ZNF385D: variants seen among roughly 807,000 people sequenced by gnomAD.
The protein encoded by ZNF385D is zinc finger protein 659.
ZNF385D carries 15 observed loss-of-function variants against 35.8 expected under a neutral mutation model. The observed-to-expected ratio is 0.42, with a 90% confidence interval of 0.28 to 0.64. ZNF385D has a LOEUF of 0.64. Ranked by LOEUF, ZNF385D falls within the 30% of genes least tolerant of loss-of-function variation. The pLI is 0.23. For missense variants in ZNF385D, 474 were observed against 494.6 expected (o/e 0.96, Z 0.39); for synonymous variants, 212 against 186.8 (o/e 1.13, Z -1.10).
rs75642289 is a variant in ZNF385D, at chr3:22,128,968, A to T, written c.325+39849T>A. ...TTGTCTATACCTGTCCTACTTGAGA[A>T]GGTTTTCCATGTATTGAAAGGGAAT... On this transcript the variant is annotated intron_variant, in intron 3 of 5. Transcript: ENST00000494108. 5.5e-3 allele frequency among the ~76,000 whole-genome samples: 837 copies of T among 152,250 alleles called. 5 individuals carry two copies. Among genetic ancestry groups the T allele is most frequent in the African/African-American group, 0.018 (734 of 41,568 alleles).
intron 3 of ZNF385D, among the ~76,000 whole-genome samples, chr3:21,834,431 C>T (rs1695196624): frequency 6.6e-6 from 1 of 152,112 alleles, no homozygotes; most frequent in Non-Finnish European, 1.5e-5. Flanking sequence ...TTAGGTGTAT[C>T]CTCTTTCTTT....
intron 3 of ZNF385D, among the ~76,000 whole-genome samples, chr3:21,561,008 A>C (rs1331958505): frequency 6.6e-6 from 1 of 152,102 alleles, no homozygotes; most frequent in Non-Finnish European, 1.5e-5. Context: ...ACCAAGCTGG[A>C]GCATCCCAGG....
intron 2 of ZNF385D, among the ~76,000 whole-genome samples, chr3:22,360,863 G>C (rs542616547): frequency 1.3e-5 from 2 of 151,958 alleles, no homozygotes; most frequent in Admixed American, 6.6e-5. Context: ...TAATCGGGGC[G>C]ATCACTCAGT....
At chr3:22,309,070 A>G (rs1327138241) in intron 2 of ZNF385D, among the ~76,000 whole-genome samples, 2 of 152,098 alleles carry the variant, frequency 1.3e-5, no homozygotes, top group African/African-American at 4.8e-5. Context: ...AAGCCAGAAA[A>G]CCACACTGTG....
chr3:22,342,834 A>C (rs577251800), intron 2 of ZNF385D, among the ~76,000 whole-genome samples: 1 of 152,332 alleles, frequency 6.6e-6, no homozygotes, highest in South Asian at 2.1e-4. Flanking sequence ...GAACTTCTCC[A>C]AGAGACCTCA....
At chr3:21,761,245 C>A (rs572351884) in intron 3 of ZNF385D, among the ~76,000 whole-genome samples, 2 of 152,340 alleles carry the variant, frequency 1.3e-5, no homozygotes, top group Admixed American at 1.3e-4. Context: ...ATGAGAGACT[C>A]CTAGTCAGCA....
At chr3:22,175,964 T>C (rs1694806053) in intron 2 of ZNF385D, among the ~76,000 whole-genome samples, 1 of 150,482 alleles carries the variant, frequency 6.6e-6, no homozygotes, top group Non-Finnish European at 1.5e-5. Context: ...TTGAGAAAAT[T>C]ATAGTGGGTC....
rs74629890 is a variant in ZNF385D at position 21,937,892 on chromosome 3, T to A, written c.325+230925A>T. Among the ~76,000 whole-genome samples the A allele has an allele frequency of 9.9e-5, 15 of 152,282 alleles. No individual in the cohort carries two copies. In the East Asian group the frequency reaches 2.9e-3, roughly 29 times the overall value. On this transcript the variant is annotated intron_variant, in intron 3 of 5. Transcript: ENST00000494108. ...TAACATAAGCGTATTTTCCAATCAT[T>A]AATGTCTTAAGCAAAAAGACCAAAA...
intron 3 of ZNF385D, among the ~76,000 whole-genome samples, chr3:21,972,775 T>C (rs1288530017): frequency 1.3e-5 from 2 of 151,866 alleles, no homozygotes; most frequent in Non-Finnish European, 2.9e-5. Flanking sequence ...ATTCAAAGGA[T>C]GACTAGAGGC....
intron 2 of ZNF385D, among the ~76,000 whole-genome samples, chr3:22,348,613 C>T (rs746678850): frequency 6.9e-6 from 1 of 145,842 alleles, no homozygotes; most frequent in Non-Finnish European, 1.5e-5. Flanking sequence ...TGCGGTGAGC[C>T]GAGATCACGC....
intron 3 of ZNF385D, among the ~76,000 whole-genome samples, chr3:22,065,746 C>T (rs887490790): frequency 7.2e-5 from 11 of 152,072 alleles, no homozygotes; most frequent in African/African-American, 2.7e-4. Flanking sequence ...CATAAAAAAA[C>T]CAGCACATAA....
chr3:22,194,702 CTA>C (rs1696289849), intron 2 of ZNF385D, among the ~76,000 whole-genome samples: 1 of 151,780 alleles, frequency 6.6e-6, no homozygotes, highest in Admixed American at 6.6e-5. Flanking sequence ...CTAATCTGTT[CTA>C]TGTCATTCGT....
In ZNF385D at chr3:21,420,231, C is replaced by G. The variant is rs1575112238; in HGVS notation, c.*983G>C. ...ATATAAAGGGGATACTGCAGAGATG[C>G]AACATTCTCCGTTTTTACTGGATAT... On this transcript the variant is annotated 3_prime_UTR_variant, in exon 8 of 8. Transcript: ENST00000281523. The G allele has an allele frequency of 6.6e-6, 1 of 152,122 alleles. No individual in the cohort carries two copies. Among genetic ancestry groups the G allele is most frequent in the Non-Finnish European group, 1.5e-5 (1 of 68,018 alleles). 9.4% of individuals were successfully genotyped at this position (152,122 alleles called of 1,614,324 possible). A position where few individuals can be genotyped will look rare whatever the true frequency, so the allele number is the denominator to read the frequency against.
chr3:22,179,497 G>A (rs184988824), intron 2 of ZNF385D, among the ~76,000 whole-genome samples: 134 of 152,304 alleles, frequency 8.8e-4, no homozygotes, highest in Non-Finnish European at 1.5e-3. Context: ...CTGAGACGAC[G>A]GGGTTTTCTA....
At chr3:22,283,869 C>T (rs143320586) in intron 2 of ZNF385D, among the ~76,000 whole-genome samples, 12 of 152,254 alleles carry the variant, frequency 7.9e-5, no homozygotes, top group African/African-American at 2.9e-4. Context: ...AATCTCTTAA[C>T]AGGAATAATG....
intron 1 of ZNF385D, among the ~76,000 whole-genome samples, chr3:21,726,186 TAA>T (rs2068757769): frequency 6.6e-6 from 1 of 152,068 alleles, no homozygotes; most frequent in Non-Finnish European, 1.5e-5. Flanking sequence ...TTCAAAATAA[TAA>T]GAGCTATTTA....
chr3:21,750,919 A>T lies in ZNF385D; in HGVS notation c.-3T>A. 1 of 1,614,146 alleles carries T rather than the reference A, an allele frequency of 6.2e-7. No individual in the cohort carries two copies. The highest frequency in any genetic ancestry group is 8.5e-7 in the Non-Finnish European group (1 of 1,180,016). On this transcript the variant is annotated 5_prime_UTR_variant, in exon 1 of 8. Coordinates refer to ENST00000281523, the MANE Select transcript of ZNF385D (RefSeq NM_024697.3). The stretch of plus-strand genomic sequence containing the variant: ...CCAAAATACATTATGTTTCTCATTA[A>T]TCAGACAGCTGGAATCCCACCGCGG...
intron 3 of ZNF385D, among the ~76,000 whole-genome samples, chr3:21,858,793 A>C (rs1696877322): frequency 6.6e-6 from 1 of 152,108 alleles, no homozygotes; most frequent in African/African-American, 2.4e-5. Context: ...TAAGTTCTCC[A>C]CGTAACTCCT....
chr3:21,841,360 T>C (rs922344814), intron 3 of ZNF385D, among the ~76,000 whole-genome samples: 12 of 152,028 alleles, frequency 7.9e-5, no homozygotes, highest in Non-Finnish European at 1.8e-4. Flanking sequence ...TTATGTATAA[T>C]TGTAAGCTGA....
Sources: gnomAD v4.1 joint callset for allele counts (sites outside exome capture counted in the v4.1 genomes callset) on GRCh38, gnomAD v4.1.1 for gene constraint, MANE v1.5 for transcripts, NCBI Gene and HGNC (gene_info 2026-07-23, HGNC 2026-07-21) for gene names.